The following PLPPR1 variants were observed in gnomAD, a reference collection of about 807,000 sequenced individuals.
PLPPR1 encodes the protein phospholipid phosphatase related 1.
A neutral mutation model predicts 33.1 loss-of-function variants in PLPPR1; 10 were observed. That is an observed-to-expected ratio of 0.30 (90% CI 0.19 to 0.51). PLPPR1 has a LOEUF of 0.51. Among genes scored for constraint, PLPPR1 ranks in the 20% least tolerant of loss-of-function variants. The pLI is 0.97. For synonymous variants in PLPPR1, 151 were observed against 151.0 expected (o/e 1.00, Z 0.00); for missense variants, 304 against 408.1 (o/e 0.74, Z 2.20).
intron 1 of PLPPR1, among the ~76,000 whole-genome samples, chr9:101,054,931 C>T (rs1045386915): frequency 2.6e-5 from 4 of 152,136 alleles, no homozygotes; most frequent in African/African-American, 7.2e-5. Flanking sequence ...AAGGCAGGGA[C>T]GGTCTGTGGC....
intron 2 of PLPPR1, among the ~76,000 whole-genome samples, chr9:101,264,939 T>C (rs1483003888): frequency 6.6e-6 from 1 of 152,178 alleles, no homozygotes; most frequent in Non-Finnish European, 1.5e-5. Context: ...CTCTTGCCTC[T>C]GTCCTACTGC....
At chr9:101,282,751 T>C (rs1828326172) in intron 3 of PLPPR1, among the ~76,000 whole-genome samples, 1 of 152,158 alleles carries the variant, frequency 6.6e-6, no homozygotes, top group Admixed American at 6.5e-5. Context: ...TTTCTATATA[T>C]TAACTGCAAG....
chr9:101,237,313 C>T (rs527350026), intron 2 of PLPPR1, among the ~76,000 whole-genome samples: 11 of 151,686 alleles, frequency 7.3e-5, no homozygotes, highest in Non-Finnish European at 1.5e-4. Flanking sequence ...AGCAATCTCA[C>T]TACTGGGTGT....
chr9:101,163,882 A>C (rs888565601), intron 1 of PLPPR1, among the ~76,000 whole-genome samples: 1 of 152,212 alleles, frequency 6.6e-6, no homozygotes, highest in Admixed American at 6.5e-5. Flanking sequence ...TGAGGTGTGG[A>C]GCTTCAATGA....
At chr9:101,032,809 G>A (rs528310747) in intron 1 of PLPPR1, among the ~76,000 whole-genome samples, 8 of 152,018 alleles carry the variant, frequency 5.3e-5, no homozygotes, top group East Asian at 1.9e-4. Context: ...CCCCTATGAA[G>A]AAGAACTGTA....
At chr9:101,064,347 A>AGAAT (rs34535403) in intron 1 of PLPPR1, among the ~76,000 whole-genome samples, 74,764 of 150,314 alleles carry the variant, frequency 0.5, 18,656 homozygotes, top group East Asian at 0.52. Context: ...TAATATTTAT[A>AGAAT]GAATGAATGA....
intron 2 of PLPPR1, among the ~76,000 whole-genome samples, chr9:101,211,510 C>T (rs1826690898): frequency 6.6e-6 from 1 of 152,184 alleles, no homozygotes. Flanking sequence ...CTTGGTTCAA[C>T]TCTAGGGGTT....
rs147548551 is a variant in PLPPR1 at position 101,268,116 on chromosome 9, G to C, written c.64-1764G>C. On this transcript the variant is annotated intron_variant, in intron 2 of 7. Coordinates refer to ENST00000374874, the MANE Select transcript of PLPPR1 (RefSeq NM_207299.2). ...CCGGGGCCTGTTGTGGGTAGGGGAG[G>C]GGGGAGAGATAGCATTAGGAGATAT... is the stretch of plus-strand genomic sequence containing the variant. Among the ~76,000 whole-genome samples the C allele has an allele frequency of 2.8e-3, 431 of 152,078 alleles. 11 individuals are homozygous for C. In the East Asian group the frequency reaches 0.065, roughly 23 times the overall value.
At chr9:101,264,864 T>C (rs1827959393) in intron 2 of PLPPR1, among the ~76,000 whole-genome samples, 2 of 152,172 alleles carry the variant, frequency 1.3e-5, no homozygotes, top group African/African-American at 2.4e-5. Flanking sequence ...GGATTGTTGA[T>C]CACCTAGCAC....
intron 1 of PLPPR1, among the ~76,000 whole-genome samples, chr9:101,179,166 G>A (rs1250870130): frequency 1.3e-5 from 2 of 152,098 alleles, no homozygotes; most frequent in African/African-American, 4.8e-5. Context: ...ATCCATTAGG[G>A]CGTTGCTTAG....
At chr9:101,277,625 G>T (rs1371174317) in intron 3 of PLPPR1, among the ~76,000 whole-genome samples, 1 of 152,194 alleles carries the variant, frequency 6.6e-6, no homozygotes, top group Non-Finnish European at 1.5e-5. Flanking sequence ...AGCTAAAAAA[G>T]CACCTTAGGG....
At chr9:101,283,219 T>A (rs1828333963) in intron 3 of PLPPR1, among the ~76,000 whole-genome samples, 1 of 152,178 alleles carries the variant, frequency 6.6e-6, no homozygotes, top group Non-Finnish European at 1.5e-5. Flanking sequence ...AAAGCAATCC[T>A]GAGCAAAAAG....
chr9:101,323,237 G>A (rs1829189007), intron 7 of PLPPR1, among the ~76,000 whole-genome samples: 2 of 152,184 alleles, frequency 1.3e-5, no homozygotes, highest in African/African-American at 4.8e-5. Flanking sequence ...GCTTGTGCCT[G>A]TAATCCCAGC....
At chr9:101,049,979 G>A (rs1928700) in intron 1 of PLPPR1, among the ~76,000 whole-genome samples, 1 of 151,792 alleles carries the variant, frequency 6.6e-6, no homozygotes, top group Non-Finnish European at 1.5e-5. Context: ...GCAAAAATTA[G>A]CCAGGTGTGG....
At chr9:101,146,253 G>A (rs1226131506) in intron 1 of PLPPR1, among the ~76,000 whole-genome samples, 2 of 152,128 alleles carry the variant, frequency 1.3e-5, no homozygotes, top group African/African-American at 4.8e-5. Flanking sequence ...CTCAATAAAT[G>A]TTTGTTGAAA....
intron 1 of PLPPR1, among the ~76,000 whole-genome samples, chr9:101,154,344 C>CT (rs1588050285): frequency 6.6e-6 from 1 of 151,990 alleles, no homozygotes; most frequent in Admixed American, 6.6e-5. Context: ...TGGTCCTGGA[C>CT]TTTTTTTGGT....
intron 1 of PLPPR1, among the ~76,000 whole-genome samples, chr9:101,172,607 C>G (rs61489062): frequency 6.6e-6 from 1 of 151,972 alleles, no homozygotes; most frequent in Non-Finnish European, 1.5e-5. Context: ...AGTTTCCACC[C>G]ATGCATGTGC....
intron 1 of PLPPR1, among the ~76,000 whole-genome samples, chr9:101,092,054 C>T (rs1489484452): frequency 6.6e-6 from 1 of 152,138 alleles, no homozygotes; most frequent in Non-Finnish European, 1.5e-5. Context: ...TCTCCTTGCA[C>T]CCTTTATTTC....
At chr9:101,209,324 G>A (rs545935242) in intron 2 of PLPPR1, among the ~76,000 whole-genome samples, 1 of 152,314 alleles carries the variant, frequency 6.6e-6, no homozygotes, top group Admixed American at 6.5e-5. Flanking sequence ...TCAAAGAGGT[G>A]GACTTTTTCC....
Sources: allele counts gnomAD v4.1 joint callset (sites outside exome capture counted in the v4.1 genomes callset), GRCh38; gene constraint gnomAD v4.1.1; transcripts MANE v1.5; gene names NCBI Gene and HGNC (gene_info 2026-07-23, HGNC 2026-07-21).